The following LOXHD1 variants were observed in gnomAD, a reference collection of about 807,000 sequenced individuals.
LOXHD1 encodes the protein lipoxygenase homology domain-containing protein 1.
LOXHD1 carries 205 observed loss-of-function variants against 248.2 expected under a neutral mutation model. The ratio of observed to expected loss-of-function variants is 0.83; its 90% CI spans 0.74 to 0.93. The LOEUF is 0.93. Ranked by LOEUF, LOXHD1 falls within the 40% of genes least tolerant of loss-of-function variation. LOXHD1 has a pLI of 0.00. For missense variants in LOXHD1, 2,930 were observed against 2,971.6 expected, an observed-to-expected ratio of 0.99 and a Z score of 0.33; for synonymous variants, 1,113 against 1,162.8, an observed-to-expected ratio of 0.96 and a Z score of 0.87.
chr18:46,560,654 A>G (rs2144017766), intron 18 of LOXHD1, 109 bp from the exon 19 acceptor site: 3 of 1,021,514 alleles, frequency 2.9e-6, no homozygotes, highest in South Asian at 3.3e-5. Flanking sequence ...GCTAAGCTGC[A>G]GGATGGAGAG....
Position 46,656,915 on chromosome 18 carries a change from T to C in LOXHD1, c.119A>G (p.Tyr40Cys). ...DDEGELEHEY[Y>C]KARVYEVVTA... ...CTGGGACCCCGCACCTCTGGCCTTG[T>C]AGTACTCGTGTTCCAGCTCCCCCTC... Residue 40 changes from tyrosine to cysteine, a missense_variant, in exon 1 of 41, where the codon TAC (tyrosine) becomes TGC (cysteine). Coordinates refer to ENST00000642948, the MANE Select transcript of LOXHD1 (RefSeq NM_001384474.1). 5 of 1,551,530 alleles carry C rather than the reference T, an allele frequency of 3.2e-6. No homozygotes were observed. In the African/African-American group the frequency reaches 4.1e-5, roughly 13 times the overall value.
chr18:46,623,683 C>A (rs1308741610), intron 4 of LOXHD1, among the ~76,000 whole-genome samples: 9 of 152,384 alleles, frequency 5.9e-5, no homozygotes, highest in East Asian at 3.9e-4. Flanking sequence ...CGGAAGCTGC[C>A]TGTGTGGGCT....
chr18:46,633,022 G>A (rs1312058172), intron 4 of LOXHD1, among the ~76,000 whole-genome samples: 5 of 152,214 alleles, frequency 3.3e-5, no homozygotes, highest in Non-Finnish European at 5.9e-5. Flanking sequence ...GAACTGAGGA[G>A]TTGAGGTGAA....
rs371412153 is a variant in LOXHD1 at position 46,519,258 on chromosome 18, C to T, written c.5272-1002G>A. Among the ~76,000 whole-genome samples, 92 of 152,334 alleles carry T rather than the reference C, an allele frequency of 6.0e-4. 1 individual carries two copies. The highest frequency in any genetic ancestry group is 2.0e-3 in the African/African-American group (85 of 41,574). Reference sequence around the variant, plus strand: ...GGCCATCTTGACTGTCTCCTTTGAACGTACCTGGTCCAGTGTGTCCCTTCT... The same window carrying T: ...GGCCATCTTGACTGTCTCCTTTGAATGTACCTGGTCCAGTGTGTCCCTTCT... On this transcript the variant is annotated intron_variant, in intron 33 of 40. Coordinates refer to ENST00000642948, the MANE Select transcript of LOXHD1 (RefSeq NM_001384474.1).
chr18:46,612,642 C>T (rs559980197), intron 5 of LOXHD1, among the ~76,000 whole-genome samples: 81 of 151,904 alleles, frequency 5.3e-4, no homozygotes, highest in Non-Finnish European at 1.1e-3. Context: ...TCCTTTGTTG[C>T]TTATGCTTTT....
At chr18:46,610,371 C>T (rs1469696919) in intron 6 of LOXHD1, among the ~76,000 whole-genome samples, 1 of 120,042 alleles carries the variant, frequency 8.3e-6, no homozygotes, top group Non-Finnish European at 1.7e-5. Context: ...GGACACAGGG[C>T]GGGGAACATC....
intron 40 of LOXHD1, among the ~76,000 whole-genome samples, chr18:46,479,236 ATGTGTG>A (rs10645069): frequency 4.9e-5 from 7 of 142,784 alleles, no homozygotes; most frequent in Admixed American, 1.4e-4. Context: ...ATATATATGT[ATGTGTG>A]TGTGTGTGTG....
chr18:46,639,427 A>G (rs1204526197), intron 4 of LOXHD1, among the ~76,000 whole-genome samples, 189 bp downstream of exon 4: 1 of 152,204 alleles, frequency 6.6e-6, no homozygotes, highest in Non-Finnish European at 1.5e-5. Flanking sequence ...CTAGAGCATA[A>G]AAAGTTGCCC....
At chr18:46,550,369 C>A (rs553859831) in intron 21 of LOXHD1, among the ~76,000 whole-genome samples, 7 of 151,478 alleles carry the variant, frequency 4.6e-5, no homozygotes, top group African/African-American at 1.7e-4. Context: ...GTCAGGAGAT[C>A]GAGACCATCC....
intron 33 of LOXHD1, chr18:46,518,979 T>G (rs1017282531): frequency 1.0e-6 from 1 of 985,476 alleles, no homozygotes. Context: ...TGAGGTGTGC[T>G]CCAAAGAGAA....
chr18:46,518,586 T>C (rs547665494), intron 33 of LOXHD1, among the ~76,000 whole-genome samples: 37 of 152,220 alleles, frequency 2.4e-4, no homozygotes, highest in Non-Finnish European at 5.0e-4. Context: ...GGCAGGACAG[T>C]GGCCTTTGGA....
Position 46,488,997 on chromosome 18 carries a change from C to T in LOXHD1, c.6024G>A (p.Lys2008=), listed in dbSNP as rs2143624866. 1 of 1,551,678 alleles carries T rather than the reference C, an allele frequency of 6.4e-7. No homozygotes were observed. Among genetic ancestry groups the T allele is most frequent in the East Asian group, 2.4e-5 (1 of 40,918 alleles). The change falls in exon 38 of 41, where the codon AAG becomes AAA. Residue 2008 remains lysine, a synonymous_variant. Transcript: ENST00000642948. ...TVRDFACANN[K]ICDELEETTY... is the part of the protein sequence containing the mutation. ...TGGTCTCTTCCAGCTCATCACAGATCTTGTTGTTGGCACAGGCAAAGTCGC... is the reference window on the plus strand; with the variant it reads ...TGGTCTCTTCCAGCTCATCACAGATTTTGTTGTTGGCACAGGCAAAGTCGC...
chr18:46,594,733 G>T (rs16939690), intron 8 of LOXHD1, among the ~76,000 whole-genome samples: 4 of 152,148 alleles, frequency 2.6e-5, no homozygotes, highest in African/African-American at 7.2e-5. Flanking sequence ...TTTGAATACC[G>T]TATTTCTTTA....
At chr18:46,630,760 A>G (rs2038809586) in intron 4 of LOXHD1, among the ~76,000 whole-genome samples, 1 of 133,092 alleles carries the variant, frequency 7.5e-6, no homozygotes. Context: ...GGACAACATC[A>G]AAGTGGGTAT....
intron 11 of LOXHD1, 38 bp from the exon 12 acceptor site, chr18:46,592,106 A>G (rs1340017340): frequency 1.9e-6 from 3 of 1,551,894 alleles, no homozygotes; most frequent in African/African-American, 2.7e-5. Flanking sequence ...TTGGTGCACC[A>G]GGGATGTTCA....
intron 27 of LOXHD1, among the ~76,000 whole-genome samples, chr18:46,533,984 T>C (rs2036193814): frequency 6.6e-6 from 1 of 152,328 alleles, no homozygotes. Flanking sequence ...CCTAGGTTTA[T>C]ACTTTTGTGG....
At position 46,601,376 on chromosome 18, in the gene LOXHD1, C is replaced by T. The variant is rs1334794242; in HGVS notation, c.975G>A (p.Gly325=). Residue 325 remains glycine (G), a synonymous_variant, in exon 8 of 41, where the codon GGG becomes GGA. Coordinates refer to ENST00000642948, the MANE Select transcript of LOXHD1 (RefSeq NM_001384474.1). ...KIYLVMYGAR[G]NKNSGKIFLE... ...GGAAGATTTTCCCACTGTTCTTATTCCCTCTGGCCCCATACATGACCAAGT... is the reference window on the plus strand; with the variant it reads ...GGAAGATTTTCCCACTGTTCTTATTTCCTCTGGCCCCATACATGACCAAGT... 7.1e-6 allele frequency: 11 copies of T among 1,551,570 alleles called. No homozygotes were observed. Among genetic ancestry groups the T allele is most frequent in the East Asian group, 2.4e-5 (1 of 40,934 alleles).
chr18:46,543,424 A>T (rs77587478), intron 23 of LOXHD1, among the ~76,000 whole-genome samples: 11,065 of 152,164 alleles, frequency 0.073, 527 homozygotes, highest in Non-Finnish European at 0.1. Context: ...TTTAAAAAAA[A>T]TTTTTTATTA....
chr18:46,533,832 G>A (rs36082045), intron 27 of LOXHD1: 14,368 of 195,392 alleles, frequency 0.074, 708 homozygotes, highest in Middle Eastern at 0.099. Flanking sequence ...AGGCTGAGGC[G>A]GGAGAATTGC....
Sources: allele counts gnomAD v4.1 joint callset (sites outside exome capture counted in the v4.1 genomes callset), GRCh38; gene constraint gnomAD v4.1.1; transcripts MANE v1.5; gene names NCBI Gene and HGNC (gene_info 2026-07-23, HGNC 2026-07-21).